The following ARHGAP24 variants were observed in gnomAD, a reference collection of about 807,000 sequenced individuals.
ARHGAP24 encodes the protein rho GTPase-activating protein 24.
ARHGAP24 carries 50 observed loss-of-function variants against 76.4 expected under a neutral mutation model. That is an observed-to-expected ratio of 0.65 (90% CI 0.52 to 0.83). ARHGAP24 has a LOEUF of 0.83. ARHGAP24 is among the 40% of genes least tolerant of loss of function. The pLI is 0.00. For missense variants in ARHGAP24, 930 were observed against 914.2 expected, an observed-to-expected ratio of 1.02 and a Z score of -0.22; for synonymous variants, 345 against 323.3, an observed-to-expected ratio of 1.07 and a Z score of -0.72.
chr4:85,828,600 A>G (rs2110132395), intron 3 of ARHGAP24, among the ~76,000 whole-genome samples: 2 of 152,210 alleles, frequency 1.3e-5, no homozygotes, highest in East Asian at 1.9e-4. Context: ...TAATCAACCT[A>G]TAAAGCTTTT....
intron 1 of ARHGAP24, among the ~76,000 whole-genome samples, chr4:85,486,604 T>G (rs1723058836): frequency 2.0e-5 from 3 of 152,204 alleles, no homozygotes; most frequent in African/African-American, 4.8e-5. Context: ...CTCAGCACTA[T>G]GTATTGACGA....
intron 1 of ARHGAP24, among the ~76,000 whole-genome samples, chr4:85,545,163 G>T (rs1237380025): frequency 5.3e-5 from 8 of 151,764 alleles, no homozygotes; most frequent in African/African-American, 1.9e-4. Context: ...GCAATGGCGC[G>T]ATCTCTGCTC....
At chr4:85,889,779 C>A (rs1264016530) in intron 3 of ARHGAP24, among the ~76,000 whole-genome samples, 2 of 152,150 alleles carry the variant, frequency 1.3e-5, no homozygotes, top group African/African-American at 4.8e-5. Flanking sequence ...CTTCCTGGTA[C>A]TTCTATCATT....
intron 3 of ARHGAP24, among the ~76,000 whole-genome samples, chr4:85,822,204 C>G (rs1321210730): frequency 2.0e-5 from 3 of 152,034 alleles, no homozygotes; most frequent in Non-Finnish European, 4.4e-5. Flanking sequence ...GTGAAATGTT[C>G]AATTAATGTG....
intron 2 of ARHGAP24, among the ~76,000 whole-genome samples, chr4:85,587,604 T>G (rs1265362076): frequency 1.3e-5 from 2 of 152,170 alleles, no homozygotes; most frequent in East Asian, 3.8e-4. Flanking sequence ...AGCCAGTGAG[T>G]TTTTTTCTTT....
At chr4:85,699,632 A>C (rs1203495348) in intron 2 of ARHGAP24, among the ~76,000 whole-genome samples, 1 of 144,340 alleles carries the variant, frequency 6.9e-6, no homozygotes, top group African/African-American at 2.5e-5. Context: ...CTTTTCAGAG[A>C]GATATCCTTA....
rs576202180 is a variant in ARHGAP24 at position 85,813,010 on chromosome 4, C to T, written c.268+91038C>T. On this transcript the variant is annotated intron_variant, in intron 3 of 9. Transcript: ENST00000395184. Reference sequence around the variant, plus strand: ...CAAAGCTTAGACATATGTCTGTCAACCAGAAAACAGTTTCTTTTTTCACCC... The same window carrying T: ...CAAAGCTTAGACATATGTCTGTCAATCAGAAAACAGTTTCTTTTTTCACCC... Among the ~76,000 whole-genome samples the T allele has an allele frequency of 1.4e-4, 21 of 152,246 alleles. No homozygotes were observed. The South Asian group carries it at 4.3e-3, about 32-fold the overall frequency.
intron 1 of ARHGAP24, among the ~76,000 whole-genome samples, chr4:85,495,152 A>G (rs1294177784): frequency 1.3e-5 from 2 of 151,792 alleles, no homozygotes; most frequent in Non-Finnish European, 1.5e-5. Flanking sequence ...CACTTTTACA[A>G]ACCATTTTGT....
chr4:85,952,781 G>A (rs1737693939), intron 5 of ARHGAP24, among the ~76,000 whole-genome samples: 1 of 152,124 alleles, frequency 6.6e-6, no homozygotes, highest in South Asian at 2.1e-4. Context: ...TCATTGACCT[G>A]AAAGAATTTG....
At chr4:85,507,754 C>A (rs2110103505) in intron 1 of ARHGAP24, among the ~76,000 whole-genome samples, 1 of 152,218 alleles carries the variant, frequency 6.6e-6, no homozygotes, top group African/African-American at 2.4e-5. Context: ...TCCAAGATTT[C>A]ATTATTACTT....
chr4:85,689,350 A>G (rs1432073743), intron 2 of ARHGAP24, among the ~76,000 whole-genome samples: 1 of 151,956 alleles, frequency 6.6e-6, no homozygotes, highest in Non-Finnish European at 1.5e-5. Flanking sequence ...CTCAGCCTGG[A>G]TGTTGTTGCT....
intron 2 of ARHGAP24, among the ~76,000 whole-genome samples, chr4:85,693,365 C>T (rs1173993446): frequency 6.6e-6 from 1 of 152,194 alleles, no homozygotes. Context: ...CACATCCTTT[C>T]CCAACTGGCC....
At chr4:85,765,207 T>C (rs1250846091) in intron 3 of ARHGAP24, among the ~76,000 whole-genome samples, 3 of 152,188 alleles carry the variant, frequency 2.0e-5, no homozygotes, top group Non-Finnish European at 4.4e-5. Context: ...TAGCTATTGC[T>C]TAAAATTGTA....
chr4:85,629,003 CTT>C (rs1310339276), intron 2 of ARHGAP24, among the ~76,000 whole-genome samples: 1 of 152,108 alleles, frequency 6.6e-6, no homozygotes, highest in Non-Finnish European at 1.5e-5. Flanking sequence ...TAATAGGTAA[CTT>C]TAATTTTTTC....
intron 1 of ARHGAP24, among the ~76,000 whole-genome samples, chr4:85,491,975 C>A (rs1330349398): frequency 6.6e-6 from 1 of 151,990 alleles, no homozygotes; most frequent in East Asian, 1.9e-4. Context: ...TGTTTCTATT[C>A]TTTCTCTAAC....
chr4:85,718,371 C>T (rs1450410637), intron 2 of ARHGAP24, among the ~76,000 whole-genome samples: 2 of 151,916 alleles, frequency 1.3e-5, no homozygotes, highest in African/African-American at 4.8e-5. Flanking sequence ...GTGAAAATTG[C>T]TCTGTATGTT....
chr4:85,746,398 C>T (rs1726037991), intron 3 of ARHGAP24, among the ~76,000 whole-genome samples: 1 of 152,206 alleles, frequency 6.6e-6, no homozygotes, highest in Non-Finnish European at 1.5e-5. Context: ...AGCCCAGCTC[C>T]TCTACCAGCA....
chr4:85,637,465 A>C (rs1721349251), intron 2 of ARHGAP24, among the ~76,000 whole-genome samples: 1 of 151,958 alleles, frequency 6.6e-6, no homozygotes, highest in Non-Finnish European at 1.5e-5. Flanking sequence ...TTTACCTTCT[A>C]AGTATTCTTC....
At chr4:85,961,530 T>A (rs577617302) in intron 5 of ARHGAP24, among the ~76,000 whole-genome samples, 1 of 140,248 alleles carries the variant, frequency 7.1e-6, no homozygotes, top group East Asian at 2.1e-4. Context: ...AGAATATATG[T>A]GTTTTTTCAT....
Sources: gnomAD v4.1 joint callset for allele counts (sites outside exome capture counted in the v4.1 genomes callset) on GRCh38, gnomAD v4.1.1 for gene constraint, MANE v1.5 for transcripts, NCBI Gene and HGNC (gene_info 2026-07-23, HGNC 2026-07-21) for gene names.